HERC1: variants seen among roughly 807,000 people sequenced by gnomAD.
HERC1 encodes HECT and RLD domain containing E3 ubiquitin protein ligase family member 1.
A neutral mutation model predicts 554.3 loss-of-function variants in HERC1; 160 were observed. That is an observed-to-expected ratio of 0.29 (90% CI 0.25 to 0.33). The LOEUF (loss-of-function observed/expected upper bound fraction) is 0.33. Ranked by LOEUF, HERC1 falls within the 10% of genes least tolerant of loss-of-function variation. The probability of loss-of-function intolerance (pLI) is 1.00; values close to 1 mark genes in which losing one functional copy is unlikely to be tolerated. For synonymous variants in HERC1, 2,175 were observed against 2,131.7 expected (o/e 1.02, Z -0.56); for missense variants, 4,919 against 5,918.5 (o/e 0.83, Z 5.54).
intron 49 of HERC1, 22 bp from the exon 50 acceptor site, chr15:63,655,977 CA>C (rs1479719122): frequency 1.2e-6 from 2 of 1,600,564 alleles, no homozygotes; most frequent in South Asian, 2.2e-5. Flanking sequence ...ATTGGAAAAA[CA>C]GACTTAATTT....
intron 3 of HERC1, among the ~76,000 whole-genome samples, chr15:63,763,091 C>T (rs1235641142): frequency 6.6e-6 from 1 of 152,200 alleles, no homozygotes; most frequent in Non-Finnish European, 1.5e-5. Flanking sequence ...TTGTGGGCTC[C>T]ACAATAGCCA....
rs774715774 is a variant in HERC1 at position 63,713,573 on chromosome 15, C to T, written c.4243G>A (p.Asp1415Asn). The T allele has an allele frequency of 1.9e-6, 3 of 1,613,940 alleles. No homozygotes were observed. In the South Asian group the frequency reaches 3.3e-5, roughly 18 times the overall value. Residue 1415 changes from aspartate (D) to asparagine (N), a missense_variant, in exon 23 of 78, where the codon GAT (aspartate) becomes AAT (asparagine). Transcript: ENST00000443617. ...TGCTGAGACTGAGGAGGTGGATCATCAGCTCGAGCCCCAGACCCTGCCCCA... is the reference window on the plus strand; with the variant it reads ...TGCTGAGACTGAGGAGGTGGATCATTAGCTCGAGCCCCAGACCCTGCCCCA... ...NSGAGSGARADDPPPQSQQER... is the reference protein window; with the variant it reads ...NSGAGSGARANDPPPQSQQER...
chr15:63,774,964 G>A lies in HERC1; in HGVS notation c.660C>T (p.Asp220=), dbSNP rs2076074671. The change falls in exon 2 of 78, where the codon GAC becomes GAT. Residue 220 remains aspartate (D), a synonymous_variant. Coordinates refer to ENST00000443617, the MANE Select transcript of HERC1 (RefSeq NM_003922.4). ...GAAATGTTGTTACTTGCGATAAGCA[G>A]TCCAAGCCCATAGGAGGAATCTTGC... is the stretch of plus-strand genomic sequence containing the variant. The part of the protein sequence containing the change: ...NESKIPPMGL[D]CLSQVTTFLK... The A allele has an allele frequency of 6.2e-7, 1 of 1,614,052 alleles. No individual in the cohort carries two copies. The highest frequency in any genetic ancestry group is 1.3e-5 in the African/African-American group (1 of 75,064).
intron 38 of HERC1, among the ~76,000 whole-genome samples, chr15:63,673,020 GGT>G (rs2071015401): frequency 6.6e-6 from 1 of 152,076 alleles, no homozygotes; most frequent in Non-Finnish European, 1.5e-5. Flanking sequence ...GGTTCTCTAA[GGT>G]ATCCAATCAT....
At position 63,756,606 on chromosome 15, in the gene HERC1, C is replaced by G. The variant is rs781183030; in HGVS notation, c.1364G>C (p.Arg455Thr). The change falls in exon 5 of 78, where the codon AGA becomes ACA. Residue 455 changes from arginine (R) to threonine (T), a missense_variant. Around this residue, in one of 11 missense-constraint regions of HERC1, gnomAD observed 744 missense variants for 1,090.0 expected, o/e 0.68. Coordinates refer to ENST00000443617, the MANE Select transcript of HERC1 (RefSeq NM_003922.4). The surrounding 1 kb of genome is among the most constrained non-coding windows in gnomAD (Gnocchi z 5.0). The stretch of plus-strand genomic sequence containing the variant: ...AGAAGATGAAACCTTTTTAATGGAT[C>G]TGTGAGGCTCGAATGTTAACTTTTT... ...TLKKLTFEPH[R>T]SIKKVSSSKG... is the part of the protein sequence containing the mutation. The G allele has an allele frequency of 1.2e-6, 2 of 1,613,862 alleles. No individual in the cohort carries two copies. The highest frequency in any genetic ancestry group is 2.7e-5 in the African/African-American group (2 of 75,022).
intron 57 of HERC1, among the ~76,000 whole-genome samples, chr15:63,643,796 C>G (rs887189169): frequency 1.4e-4 from 21 of 152,162 alleles, no homozygotes; most frequent in Admixed American, 4.6e-4. Context: ...CTTCAAACTA[C>G]AGAAATAACA....
chr15:63,798,123 T>G (rs2076866096), intron 1 of HERC1, among the ~76,000 whole-genome samples: 1 of 152,178 alleles, frequency 6.6e-6, no homozygotes, highest in South Asian at 2.1e-4. Flanking sequence ...CACTACCACC[T>G]GCTACTTCTC....
At chr15:63,722,326 C>T (rs2073854251) in intron 19 of HERC1, among the ~76,000 whole-genome samples, 2 of 152,148 alleles carry the variant, frequency 1.3e-5, no homozygotes, top group African/African-American at 2.4e-5. Context: ...ACTGACCACA[C>T]CTATAGCTTA....
chr15:63,615,828 G>A lies in HERC1; in HGVS notation c.14034C>T (p.Ser4678=). The A allele has an allele frequency of 1.2e-6, 2 of 1,607,462 alleles. No individual in the cohort carries two copies. The highest frequency in any genetic ancestry group is 1.7e-4 in the Middle Eastern group (1 of 6,044). Residue 4678 remains serine (S), a synonymous_variant, in exon 76 of 78, where the codon TCC becomes TCT. Transcript: ENST00000443617. ...PGGNSIPLTF[S]NRKEYVERAI... is the part of the protein sequence containing the mutation. ...CCCTCTCCACATATTCCTTCCTGTT[G>A]GAAAATGTGAGTGGGATACTATTTC...
At chr15:63,661,274 C>A (rs982470192) in intron 45 of HERC1, among the ~76,000 whole-genome samples, 1 of 152,134 alleles carries the variant, frequency 6.6e-6, no homozygotes, top group Non-Finnish European at 1.5e-5. Flanking sequence ...CTCTTTTAAC[C>A]AAATTCTATT....
intron 47 of HERC1, 62 bp from the exon 48 acceptor site, chr15:63,658,780 A>G (rs757141322): frequency 1.3e-5 from 17 of 1,332,944 alleles, no homozygotes; most frequent in Middle Eastern, 3.8e-4. Flanking sequence ...CTGAACTACT[A>G]AAAACATTTC....
intron 2 of HERC1, among the ~76,000 whole-genome samples, chr15:63,773,513 A>G (rs897510324): frequency 1.1e-4 from 16 of 148,724 alleles, no homozygotes; most frequent in African/African-American, 3.9e-4. Context: ...TAAGTGTTTG[A>G]GTCTTAATAT....
At chr15:63,640,467 T>C (rs2068987142) in intron 60 of HERC1, 22 bp from the exon 61 acceptor site, 1 of 1,587,728 alleles carries the variant, frequency 6.3e-7, no homozygotes, top group Non-Finnish European at 8.6e-7. Context: ...TACAAGGATA[T>C]AATATGTCAA....
intron 36 of HERC1, among the ~76,000 whole-genome samples, chr15:63,679,243 T>C (rs1424290351): frequency 6.6e-6 from 1 of 152,258 alleles, no homozygotes; most frequent in African/African-American, 2.4e-5. Context: ...GGCACTGGGC[T>C]GCATCTTTAC....
At chr15:63,778,316 C>T (rs1567117313) in intron 1 of HERC1, among the ~76,000 whole-genome samples, 1 of 152,166 alleles carries the variant, frequency 6.6e-6, no homozygotes, top group Non-Finnish European at 1.5e-5. Flanking sequence ...ATTAAATCCA[C>T]ACCGTATCTG....
intron 24 of HERC1, among the ~76,000 whole-genome samples, chr15:63,709,039 G>C (rs1351135904): frequency 2.6e-5 from 4 of 152,216 alleles, no homozygotes; most frequent in Non-Finnish European, 5.9e-5. Context: ...ACCCAGGCTG[G>C]AGTGCAGTGG....
chr15:63,657,093 T>C (rs934287672), intron 48 of HERC1, among the ~76,000 whole-genome samples: 2 of 152,236 alleles, frequency 1.3e-5, no homozygotes, highest in African/African-American at 4.8e-5. Context: ...TCAGTTTTAG[T>C]TGATACTATC....
chr15:63,684,118 T>TG (rs892431716), intron 34 of HERC1, among the ~76,000 whole-genome samples: 2 of 152,228 alleles, frequency 1.3e-5, no homozygotes, highest in African/African-American at 4.8e-5. Flanking sequence ...GTGTGTTTTC[T>TG]GGGGGCAATA....
chr15:63,706,451 C>G (rs976276838), intron 25 of HERC1, among the ~76,000 whole-genome samples: 3 of 152,002 alleles, frequency 2.0e-5, no homozygotes, highest in African/African-American at 7.3e-5. Flanking sequence ...TGTAAATAAC[C>G]CCTTTCCATC....
Sources: allele counts gnomAD v4.1 joint callset (sites outside exome capture counted in the v4.1 genomes callset), GRCh38; gene constraint gnomAD v4.1.1; regional missense constraint gnomAD v4.1.1; non-coding constraint Gnocchi (gnomAD v3.1); transcripts MANE v1.5; gene names NCBI Gene and HGNC (gene_info 2026-07-23, HGNC 2026-07-21).